Variants in EFNA5 observed in about 807,000 individuals in gnomAD.
EFNA5 encodes the protein ephrin-A5.
A neutral mutation model predicts 22.9 loss-of-function variants in EFNA5; 5 were observed. The observed-to-expected ratio is 0.22, with a 90% CI of 0.11 to 0.46. EFNA5 has a LOEUF of 0.46. Among genes scored for constraint, EFNA5 ranks in the 20% least tolerant of loss-of-function variants. The pLI is 0.99. For missense variants in EFNA5, 237 were observed against 293.3 expected, an observed-to-expected ratio of 0.81 and a Z score of 1.40; for synonymous variants, 113 against 112.2, an observed-to-expected ratio of 1.01 and a Z score of -0.04.
intron 1 of EFNA5, among the ~76,000 whole-genome samples, chr5:107,550,438 G>C (rs1473152017): frequency 6.6e-6 from 1 of 152,122 alleles, no homozygotes; most frequent in Non-Finnish European, 1.5e-5. Flanking sequence ...TATTGTAGAG[G>C]AGAATGATTA....
rs900378920 is a variant in EFNA5, at chr5:107,617,755, G to A, written c.125+52734C>T. Among the ~76,000 whole-genome samples, 21 of 152,218 alleles carry A rather than the reference G, an allele frequency of 1.4e-4. 1 individual carries two copies. The East Asian group carries it at 1.5e-3, about 11-fold the overall frequency. ...GATTTGGACTGAAGTGCTCTGTTGC[G>A]GCTAGAGTGAAATTCAAATAGAAGT... On this transcript the variant is annotated intron_variant, in intron 1 of 4. Transcript: ENST00000333274.
At chr5:107,588,383 G>A (rs1213505608) in intron 1 of EFNA5, among the ~76,000 whole-genome samples, 2 of 152,012 alleles carry the variant, frequency 1.3e-5, no homozygotes, top group Non-Finnish European at 2.9e-5. Flanking sequence ...TTTTCTTCAA[G>A]TGATGTTCAT....
At chr5:107,591,369 G>A (rs1262710505) in intron 1 of EFNA5, among the ~76,000 whole-genome samples, 1 of 152,096 alleles carries the variant, frequency 6.6e-6, no homozygotes, top group Admixed American at 6.5e-5. Flanking sequence ...ACCCCTGGAG[G>A]TGGGAGCTGT....
chr5:107,399,315 A>AAATGGAAAGGAAAGGAAAGGAAAGG (rs1561369505), intron 2 of EFNA5, among the ~76,000 whole-genome samples: 3 of 67,566 alleles, frequency 4.4e-5, no homozygotes, highest in South Asian at 4.2e-4. Context: ...GGAAGGAAGG[A>AAATGGAAAGGAAAGGAAAGGAAAGG]AACGGAAAGG....
At chr5:107,618,134 T>TTATGTGCATAGTA (rs1749961909) in intron 1 of EFNA5, among the ~76,000 whole-genome samples, 1 of 152,232 alleles carries the variant, frequency 6.6e-6, no homozygotes, top group Non-Finnish European at 1.5e-5. Flanking sequence ...TACAATATCT[T>TTATGTGCATAGTA]TATGTGCATA....
At chr5:107,612,440 A>G (rs898624609) in intron 1 of EFNA5, among the ~76,000 whole-genome samples, 1 of 152,140 alleles carries the variant, frequency 6.6e-6, no homozygotes, top group African/African-American at 2.4e-5. Context: ...AACTGCAATC[A>G]TCAATAGCCC....
At position 107,435,293 on chromosome 5, in the gene EFNA5, C is replaced by G. The variant is rs535190504; in HGVS notation, c.126-7784G>C. ...ACAGAATGCAAGCCTTATGGCTTTC[C>G]TATTCTAAATCTGAAGATGCTCTTT... On this transcript the variant is annotated intron_variant, in intron 1 of 4. Coordinates refer to ENST00000333274, the MANE Select transcript of EFNA5 (RefSeq NM_001962.3). Among the ~76,000 whole-genome samples, 28 of 140,398 alleles carry G rather than the reference C, an allele frequency of 2.0e-4. No homozygotes were observed. The South Asian group carries it at 6.1e-3, about 31-fold the overall frequency. 92.1% of individuals were successfully genotyped at this position (140,398 alleles called of 152,430 possible).
At chr5:107,452,861 C>A (rs1749596574) in intron 1 of EFNA5, among the ~76,000 whole-genome samples, 1 of 152,172 alleles carries the variant, frequency 6.6e-6, no homozygotes, top group Non-Finnish European at 1.5e-5. Context: ...TATGTACAGA[C>A]ATGCATACAC....
intron 1 of EFNA5, among the ~76,000 whole-genome samples, chr5:107,472,907 G>C (rs191795332): frequency 6.6e-6 from 1 of 152,330 alleles, no homozygotes; most frequent in African/African-American, 2.4e-5. Flanking sequence ...TCGAGCTGAT[G>C]AAAAGGCTGA....
intron 1 of EFNA5, among the ~76,000 whole-genome samples, chr5:107,556,740 C>A (rs1281366801): frequency 1.4e-5 from 2 of 146,674 alleles, no homozygotes; most frequent in Non-Finnish European, 3.0e-5. Context: ...GAGCAAAATT[C>A]CATCTCAAAA....
At chr5:107,447,651 G>C (rs1337338572) in intron 1 of EFNA5, among the ~76,000 whole-genome samples, 1 of 152,156 alleles carries the variant, frequency 6.6e-6, no homozygotes, top group African/African-American at 2.4e-5. Flanking sequence ...AGTTCAGAAA[G>C]ACCATACAGA....
chr5:107,411,245 T>C (rs1193649242), intron 2 of EFNA5, among the ~76,000 whole-genome samples: 1 of 152,244 alleles, frequency 6.6e-6, no homozygotes, highest in East Asian at 1.9e-4. Flanking sequence ...GTACTGTTCA[T>C]CAGTGAAATA....
intron 1 of EFNA5, among the ~76,000 whole-genome samples, chr5:107,470,892 G>A (rs560398931): frequency 8.5e-5 from 13 of 152,076 alleles, no homozygotes; most frequent in South Asian, 8.3e-4. Context: ...AAAAATACAC[G>A]AAATCAGGAG....
chr5:107,481,091 A>C (rs1750447102), intron 1 of EFNA5, among the ~76,000 whole-genome samples: 1 of 152,170 alleles, frequency 6.6e-6, no homozygotes. Context: ...AACAAAACAA[A>C]CTAAGAGGTG....
intron 1 of EFNA5, among the ~76,000 whole-genome samples, chr5:107,624,203 G>C (rs947636480): frequency 3.9e-5 from 6 of 152,076 alleles, no homozygotes; most frequent in Non-Finnish European, 8.8e-5. Context: ...AAAGGCAAAA[G>C]TGACCCACAG....
chr5:107,476,530 C>T (rs1750314678), intron 1 of EFNA5, among the ~76,000 whole-genome samples: 1 of 152,060 alleles, frequency 6.6e-6, no homozygotes, highest in Non-Finnish European at 1.5e-5. Context: ...CTGTTTCTCC[C>T]TCTGGTTTCA....
intron 1 of EFNA5, among the ~76,000 whole-genome samples, chr5:107,455,337 A>G (rs541967208): frequency 6.6e-6 from 1 of 152,240 alleles, no homozygotes; most frequent in Admixed American, 6.5e-5. Context: ...CCCCCTCTTC[A>G]CTCGGATCAT....
At chr5:107,499,071 CCT>C (rs1747070405) in intron 1 of EFNA5, among the ~76,000 whole-genome samples, 1 of 152,042 alleles carries the variant, frequency 6.6e-6, no homozygotes, top group African/African-American at 2.4e-5. Context: ...GCTCTCTTCT[CCT>C]TTTTCATTAT....
intron 2 of EFNA5, among the ~76,000 whole-genome samples, chr5:107,414,136 C>G (rs536443012): frequency 2.6e-5 from 4 of 152,270 alleles, no homozygotes; most frequent in South Asian, 2.1e-4. Flanking sequence ...AAAATAGATT[C>G]CTACATTGCA....
Sources: allele counts gnomAD v4.1 joint callset (sites outside exome capture counted in the v4.1 genomes callset), GRCh38; gene constraint gnomAD v4.1.1; transcripts MANE v1.5; gene names NCBI Gene and HGNC (gene_info 2026-07-23, HGNC 2026-07-21).